The following ACER3 variants were observed in gnomAD, a reference collection of about 807,000 sequenced individuals.
ACER3 encodes the protein alkaline ceramidase 3, also known as alkCDase 3.
ACER3 carries 16 observed loss-of-function variants against 48.9 expected under a neutral mutation model. The observed-to-expected ratio is 0.33, with a 90% CI of 0.22 to 0.50. The LOEUF (loss-of-function observed/expected upper bound fraction) is 0.50, where lower values mean the gene tolerates loss of function less well. Ranked by LOEUF, ACER3 falls within the 20% of genes least tolerant of loss-of-function variation. ACER3 has a pLI of 0.98. For synonymous variants in ACER3, 109 were observed against 107.8 expected, an observed-to-expected ratio of 1.01 and a Z score of -0.07; for missense variants, 227 against 326.0, an observed-to-expected ratio of 0.70 and a Z score of 2.34.
At chr11:76,979,428 A>C (rs1349652998) in intron 4 of ACER3, among the ~76,000 whole-genome samples, 1 of 152,180 alleles carries the variant, frequency 6.6e-6, no homozygotes, top group Non-Finnish European at 1.5e-5. Flanking sequence ...GCCCTATTTC[A>C]AAGTTAGGTA....
intron 1 of ACER3, among the ~76,000 whole-genome samples, chr11:76,874,348 C>G (rs529593447): frequency 1.3e-5 from 2 of 148,578 alleles, no homozygotes; most frequent in South Asian, 4.3e-4. Context: ...AAGTACCTGG[C>G]AAATATTAGG....
chr11:76,985,652 T>C lies in ACER3; in HGVS notation c.330T>C (p.Cys110=). 2.6e-6 allele frequency: 4 copies of C among 1,566,200 alleles called. No homozygotes were observed. The South Asian group carries it at 4.9e-5, about 19-fold the overall frequency. The change falls in exon 5 of 11, where the codon TGT becomes TGC. Residue 110 remains cysteine, a synonymous_variant. Transcript: ENST00000532485. ...CCIFVYCMFE[C]FKIKNSVNYH... Reference sequence around the variant, plus strand: ...CTCTCTTTTTTTCAAGGTTTGAATGTTTCAAGATCAAGAACTCAGTAAACT... The same window carrying C: ...CTCTCTTTTTTTCAAGGTTTGAATGCTTCAAGATCAAGAACTCAGTAAACT...
At chr11:76,912,684 G>A (rs1044569192) in intron 1 of ACER3, among the ~76,000 whole-genome samples, 4 of 147,274 alleles carry the variant, frequency 2.7e-5, no homozygotes, top group South Asian at 2.2e-4. Context: ...CAGCGCAGTC[G>A]TCAGAAAAAA....
At chr11:76,885,415 G>A (rs530322917) in intron 1 of ACER3, among the ~76,000 whole-genome samples, 1 of 152,212 alleles carries the variant, frequency 6.6e-6, no homozygotes, top group South Asian at 2.1e-4. Flanking sequence ...AGCCCCGCAT[G>A]CCTTAGGTAT....
chr11:76,974,620 G>A (rs921056437), intron 3 of ACER3, among the ~76,000 whole-genome samples: 8 of 152,108 alleles, frequency 5.3e-5, no homozygotes, highest in Non-Finnish European at 1.2e-4. Context: ...AGGTAAAGAG[G>A]GACTAGGGGA....
At chr11:76,944,912 T>G (rs933599790) in intron 2 of ACER3, among the ~76,000 whole-genome samples, 3 of 152,076 alleles carry the variant, frequency 2.0e-5, no homozygotes, top group Non-Finnish European at 4.4e-5. Context: ...ATTATTTTTT[T>G]CCCCTATTTT....
chr11:76,871,852 T>A (rs1181085813), intron 1 of ACER3, among the ~76,000 whole-genome samples: 1 of 152,208 alleles, frequency 6.6e-6, no homozygotes, highest in Non-Finnish European at 1.5e-5. Context: ...CTTTGATTTG[T>A]TTCAGGGCCT....
chr11:76,892,218 G>T (rs1945824670), intron 1 of ACER3, among the ~76,000 whole-genome samples: 1 of 152,092 alleles, frequency 6.6e-6, no homozygotes, highest in South Asian at 2.1e-4. Context: ...TATATCAAAA[G>T]ATGTTATGTA....
Position 76,910,202 on chromosome 11 carries a change from C to T in ACER3, c.104-16355C>T, listed in dbSNP as rs1946339626. Among the ~76,000 whole-genome samples, 3 of 152,136 alleles carry T rather than the reference C, an allele frequency of 2.0e-5. No individual in the cohort carries two copies. The South Asian group carries it at 6.2e-4, about 32-fold the overall frequency. ...ACCGGTTGATAGGTGCAGCAAACCA[C>T]CATGGCACATGTATAACTATGTAAC... On this transcript the variant is annotated intron_variant, in intron 1 of 10. Coordinates refer to ENST00000532485, the MANE Select transcript of ACER3 (RefSeq NM_018367.7).
intron 1 of ACER3, among the ~76,000 whole-genome samples, chr11:76,886,445 C>A (rs555217926): frequency 2.0e-5 from 3 of 152,246 alleles, no homozygotes; most frequent in African/African-American, 7.2e-5. Flanking sequence ...CAGTTCAGAA[C>A]AAGTCAGGTA....
At chr11:76,899,700 T>A (rs1323943708) in intron 1 of ACER3, among the ~76,000 whole-genome samples, 1 of 152,242 alleles carries the variant, frequency 6.6e-6, no homozygotes, top group Non-Finnish European at 1.5e-5. Context: ...TTCATGTTTA[T>A]CTTCTAGTTT....
At chr11:76,903,797 A>T (rs1946145767) in intron 1 of ACER3, among the ~76,000 whole-genome samples, 1 of 152,118 alleles carries the variant, frequency 6.6e-6, no homozygotes, top group South Asian at 2.1e-4. Context: ...GCCACCTCTT[A>T]TGGGGAAAAT....
intron 4 of ACER3, among the ~76,000 whole-genome samples, chr11:76,981,157 T>C (rs1948574714): frequency 6.6e-6 from 1 of 152,200 alleles, no homozygotes; most frequent in Non-Finnish European, 1.5e-5. Flanking sequence ...AGTTTCATCA[T>C]TGCTACCACC....
At chr11:76,878,881 C>G (rs1945453894) in intron 1 of ACER3, among the ~76,000 whole-genome samples, 1 of 152,020 alleles carries the variant, frequency 6.6e-6, no homozygotes, top group Non-Finnish European at 1.5e-5. Flanking sequence ...AGTGGTATCT[C>G]ATTGTAATTT....
intron 3 of ACER3, 184 bp downstream of exon 3, chr11:76,959,215 A>G: frequency 2.0e-6 from 3 of 1,480,854 alleles, no homozygotes; most frequent in Non-Finnish European, 2.7e-6. Context: ...GTCCATAAGG[A>G]AAACAAGTAC....
chr11:76,862,518 T>C (rs1421228933), intron 1 of ACER3, among the ~76,000 whole-genome samples: 1 of 152,244 alleles, frequency 6.6e-6, no homozygotes, highest in Non-Finnish European at 1.5e-5. Context: ...GGCAAGCCCA[T>C]GCCTGGTCCA....
rs922703880 is a variant in ACER3, at chr11:76,861,162, C to T, written c.103+83C>T. On this transcript the variant is annotated intron_variant, in intron 1 of 10. Coordinates refer to ENST00000532485, the MANE Select transcript of ACER3 (RefSeq NM_018367.7). ...CGTGTGAGGAAGGCAAAGAGCGAAC[C>T]TGGCCGCGAAGGGAGGTGCCAGGCC... 2.2e-6 allele frequency: 3 copies of T among 1,365,802 alleles called. No individual in the cohort carries two copies. The Admixed American group carries it at 6.4e-5, about 29-fold the overall frequency. The allele number at this position is 1,365,802 out of a possible 1,614,324, so 84.6% of individuals were successfully genotyped here. A position where few individuals can be genotyped will look rare whatever the true frequency, so the allele number is the denominator to read the frequency against.
At chr11:76,957,391 A>C in intron 2 of ACER3, 1 of 387,906 alleles carries the variant, frequency 2.6e-6, no homozygotes, top group Non-Finnish European at 5.2e-6. Context: ...ATATTGAAGC[A>C]CAGAATTATT....
At chr11:76,995,279 A>G (rs1257082526) in intron 6 of ACER3, among the ~76,000 whole-genome samples, 3 of 152,070 alleles carry the variant, frequency 2.0e-5, no homozygotes, top group South Asian at 2.1e-4. Context: ...GGCACTCACT[A>G]TTGCCACTGC....
Sources: allele counts gnomAD v4.1 joint callset (sites outside exome capture counted in the v4.1 genomes callset), GRCh38; gene constraint gnomAD v4.1.1; transcripts MANE v1.5; gene names NCBI Gene and HGNC (gene_info 2026-07-23, HGNC 2026-07-21).